JAM3: variants seen among roughly 807,000 people sequenced by gnomAD.
The protein encoded by JAM3 is junctional adhesion molecule 3.
JAM3 carries 31 observed loss-of-function variants against 39.4 expected under a neutral mutation model. That is an observed-to-expected ratio of 0.79 (90% confidence interval 0.59 to 1.06). JAM3 has a LOEUF of 1.06. Among genes scored for constraint, JAM3 ranks in the 50% least tolerant of loss-of-function variants. JAM3 has a pLI of 0.00. For synonymous variants in JAM3, 182 were observed against 148.7 expected (o/e 1.22, Z -1.63); for missense variants, 455 against 391.4 (o/e 1.16, Z -1.37).
In JAM3 at chr11:134,145,929, G is replaced by A; in HGVS notation, c.613-17G>A. Reference sequence around the variant, plus strand: ...CCATGATGGGTCCGATTATTTACTTGTCATTCCCTGAAACAGGTGTTCACT... The same window carrying A: ...CCATGATGGGTCCGATTATTTACTTATCATTCCCTGAAACAGGTGTTCACT... On this transcript the variant is annotated splice_polypyrimidine_tract_variant and intron_variant, in intron 5 of 8. Coordinates refer to ENST00000299106, the MANE Select transcript of JAM3 (RefSeq NM_032801.5). 6.4e-7 allele frequency: 1 copy of A among 1,572,604 alleles called. No individual in the cohort carries two copies. The highest frequency in any genetic ancestry group is 1.1e-5 in the South Asian group (1 of 90,182).
intron 1 of JAM3, among the ~76,000 whole-genome samples, chr11:134,094,852 C>A (rs1045107417): frequency 1.3e-5 from 2 of 152,216 alleles, no homozygotes; most frequent in Admixed American, 1.3e-4. Context: ...TTGTTCACTG[C>A]ATTTCTTGGC....
chr11:134,146,195 A>G, intron 6 of JAM3, 150 bp downstream of exon 6: 2 of 687,138 alleles, frequency 2.9e-6, no homozygotes, highest in South Asian at 1.6e-5. Context: ...CCCACTGCAC[A>G]GTGAAGGGAA....
intron 6 of JAM3, among the ~76,000 whole-genome samples, chr11:134,147,613 A>T (rs1441535787): frequency 6.6e-6 from 1 of 151,704 alleles, no homozygotes. Flanking sequence ...CAGCCTCCTG[A>T]GTAGCTGGGA....
intron 1 of JAM3, among the ~76,000 whole-genome samples, chr11:134,078,142 T>C (rs1307788837): frequency 1.3e-5 from 2 of 151,944 alleles, no homozygotes; most frequent in Non-Finnish European, 2.9e-5. Context: ...GTTTTTAAGC[T>C]GGAGTCTCGC....
chr11:134,123,778 T>A (rs1475448186), intron 1 of JAM3: 1 of 698,426 alleles, frequency 1.4e-6, no homozygotes, highest in Non-Finnish European at 2.6e-6. Flanking sequence ...TACCAAGGGT[T>A]CCCTCTAAAT....
At chr11:134,148,891 C>T (rs1038280973) in intron 8 of JAM3, 73 bp downstream of exon 8, 30 of 1,482,188 alleles carry the variant, frequency 2.0e-5, no homozygotes, top group Non-Finnish European at 2.6e-5. Flanking sequence ...GGAAACCACA[C>T]GGGTCTCCTG....
intron 1 of JAM3, among the ~76,000 whole-genome samples, chr11:134,104,002 G>T (rs1282016311): frequency 2.6e-5 from 4 of 152,314 alleles, no homozygotes; most frequent in African/African-American, 9.6e-5. Context: ...TCTGCACCAA[G>T]CGGACATAAT....
At chr11:134,075,774 AC>A (rs1941557762) in intron 1 of JAM3, among the ~76,000 whole-genome samples, 1 of 152,106 alleles carries the variant, frequency 6.6e-6, no homozygotes, top group Non-Finnish European at 1.5e-5. Flanking sequence ...TGGTTTGTAT[AC>A]CTGTGAGTTT....
chr11:134,148,955 A>AACACATAC (rs1555121826), intron 8 of JAM3, 137 bp downstream of exon 8: 1 of 624,836 alleles, frequency 1.6e-6, no homozygotes, highest in Admixed American at 2.3e-5. Context: ...CCTTCACAGT[A>AACACATAC]ACACACACAC....
rs534572726 is a variant in JAM3, at chr11:134,127,400, A to G, written c.77-12451A>G. On this transcript the variant is annotated intron_variant, in intron 1 of 8. Coordinates refer to ENST00000299106, the MANE Select transcript of JAM3 (RefSeq NM_032801.5). The stretch of plus-strand genomic sequence containing the variant: ...TAATGCCATTGTAGTGAGTCATTTT[A>G]AAACTTGATGCCTTTTGGCCGGGCG... Among the ~76,000 whole-genome samples the G allele has an allele frequency of 3.3e-5, 5 of 152,340 alleles. No homozygotes were observed. In the East Asian group the frequency reaches 9.6e-4, roughly 29 times the overall value.
At chr11:134,091,540 A>G (rs1941853794) in intron 1 of JAM3, among the ~76,000 whole-genome samples, 1 of 151,774 alleles carries the variant, frequency 6.6e-6, no homozygotes, top group Non-Finnish European at 1.5e-5. Flanking sequence ...ATAGATAGAT[A>G]GGCATGGTAA....
rs888630678 is a variant in JAM3 at position 134,130,572 on chromosome 11, T to G, written c.77-9279T>G. Among the ~76,000 whole-genome samples, 4 of 152,326 alleles carry G rather than the reference T, an allele frequency of 2.6e-5. No homozygotes were observed. The East Asian group carries it at 7.7e-4, about 29-fold the overall frequency. On this transcript the variant is annotated intron_variant, in intron 1 of 8. Transcript: ENST00000299106. Reference sequence around the variant, plus strand: ...CCAGTAGCTATTTGAACCGACGTTGTAGAAGCTCTGAAATCAGTCAAACGA... The same window carrying G: ...CCAGTAGCTATTTGAACCGACGTTGGAGAAGCTCTGAAATCAGTCAAACGA...
chr11:134,136,663 G>T (rs575194068), intron 1 of JAM3, among the ~76,000 whole-genome samples: 2 of 152,170 alleles, frequency 1.3e-5, no homozygotes, highest in African/African-American at 4.8e-5. Flanking sequence ...CCTCTGCTCT[G>T]GAGTCTTCCT....
chr11:134,139,976 G>T (rs962357230), intron 2 of JAM3, 60 bp downstream of exon 2: 2 of 1,301,962 alleles, frequency 1.5e-6, no homozygotes, highest in Non-Finnish European at 2.2e-6. Context: ...TTGATGTCTT[G>T]CAGCCAACTC....
chr11:134,146,123 A>G (rs1943066622), intron 6 of JAM3, 78 bp downstream of exon 6: 3 of 1,003,574 alleles, frequency 3.0e-6, no homozygotes, highest in Non-Finnish European at 4.7e-6. Flanking sequence ...TTATACCATC[A>G]GCTTAGAGAA....
intron 1 of JAM3, among the ~76,000 whole-genome samples, chr11:134,113,140 C>T (rs563290104): frequency 6.6e-6 from 1 of 151,334 alleles, no homozygotes; most frequent in South Asian, 2.1e-4. Context: ...TGAATTTCAA[C>T]AAATGAATCT....
chr11:134,128,339 T>C (rs1268219704), intron 1 of JAM3, among the ~76,000 whole-genome samples: 1 of 152,244 alleles, frequency 6.6e-6, no homozygotes, highest in African/African-American at 2.4e-5. Flanking sequence ...GGATTAAATG[T>C]CATTGAACAA....
intron 1 of JAM3, among the ~76,000 whole-genome samples, chr11:134,086,359 C>T (rs1222615360): frequency 6.6e-6 from 1 of 151,836 alleles, no homozygotes; most frequent in Non-Finnish European, 1.5e-5. Flanking sequence ...ATCTATTTTC[C>T]TATATTGGAA....
At chr11:134,143,753 A>G (rs1040665331) in intron 3 of JAM3, among the ~76,000 whole-genome samples, 1 of 152,228 alleles carries the variant, frequency 6.6e-6, no homozygotes, top group African/African-American at 2.4e-5. Flanking sequence ...GCCCAATCCA[A>G]GGTCATGAGG....
Sources: allele counts gnomAD v4.1 joint callset (sites outside exome capture counted in the v4.1 genomes callset), GRCh38; gene constraint gnomAD v4.1.1; transcripts MANE v1.5; gene names NCBI Gene and HGNC (gene_info 2026-07-23, HGNC 2026-07-21).